The following DNAH12 variants were observed in gnomAD, a reference collection of about 807,000 sequenced individuals.
The protein encoded by DNAH12 is dynein axonemal heavy chain 12.
DNAH12 carries 285 observed loss-of-function variants against 371.5 expected under a neutral mutation model. The observed-to-expected ratio is 0.77, with a 90% CI of 0.70 to 0.85. The LOEUF is 0.85. DNAH12 is among the 40% of genes least tolerant of loss of function. The pLI is 0.00. For missense variants in DNAH12, 3,611 were observed against 3,689.4 expected (o/e 0.98, Z 0.55); for synonymous variants, 1,200 against 1,213.0 (o/e 0.99, Z 0.22).
chr3:57,344,092 C>T (rs373905511), intron 60 of DNAH12, among the ~76,000 whole-genome samples: 3 of 152,254 alleles, frequency 2.0e-5, no homozygotes, highest in Admixed American at 6.5e-5. Flanking sequence ...TGCTGAGTAC[C>T]GGTCCCCTGG....
chr3:57,465,567 T>A (rs1003794233), intron 17 of DNAH12, among the ~76,000 whole-genome samples: 1 of 151,890 alleles, frequency 6.6e-6, no homozygotes. Flanking sequence ...TATTTTGACA[T>A]GGGGAAGGCA....
At chr3:57,338,535 C>T (rs868966816) in intron 60 of DNAH12, among the ~76,000 whole-genome samples, 62 of 147,522 alleles carry the variant, frequency 4.2e-4, no homozygotes, top group African/African-American at 1.4e-3. Flanking sequence ...AGGTGAGGAG[C>T]GTCTCTGCCC....
chr3:57,341,131 C>T (rs555606440), intron 60 of DNAH12, among the ~76,000 whole-genome samples: 24 of 151,214 alleles, frequency 1.6e-4, no homozygotes, highest in Middle Eastern at 3.4e-3. Flanking sequence ...AGTACCTCAA[C>T]ACAATAAAGG....
intron 70 of DNAH12, chr3:57,297,359 ATTT>A (rs35527517): frequency 1.9e-5 from 3 of 157,942 alleles, no homozygotes; most frequent in South Asian, 1.6e-4. Flanking sequence ...CCTTAACCCT[ATTT>A]TTTTTTTTTT....
At chr3:57,303,332 G>A (rs1458854924) in intron 69 of DNAH12, among the ~76,000 whole-genome samples, 8 of 103,162 alleles carry the variant, frequency 7.8e-5, no homozygotes, top group Admixed American at 2.5e-4. Context: ...GAGCAAAGAC[G>A]CCAGCTCAAA....
chr3:57,448,190 A>G (rs2065591796), intron 25 of DNAH12, among the ~76,000 whole-genome samples: 1 of 152,182 alleles, frequency 6.6e-6, no homozygotes, highest in Non-Finnish European at 1.5e-5. Flanking sequence ...TGAGTCTTAC[A>G]GCTCTTAAGG....
Position 57,368,231 on chromosome 3 carries a change from G to A in DNAH12, c.8789C>T (p.Ala2930Val), listed in dbSNP as rs2153334235. 1 of 152,070 alleles carries A rather than the reference G, an allele frequency of 6.6e-6. No individual in the cohort carries two copies. The highest frequency in any genetic ancestry group is 1.9e-4 in the East Asian group (1 of 5,192). The allele number at this position is 152,070 out of a possible 1,614,324, so 9.4% of individuals were successfully genotyped here. The change falls in exon 56 of 74, where the codon GCC becomes GTC. Residue 2930 changes from alanine to valine, a missense_variant. Around this residue, in one of 3 missense-constraint regions of DNAH12, gnomAD observed 2,266 missense variants for 2,236.9 expected, o/e 1.01. Transcript: ENST00000495027. ...WPLMIDPQGQ[A>V]NKWIKNSEKE... ...TTCAGAGTTTTTGATCCACTTATTG[G>A]CTTGACCCTGGGGGTCAATCATTAA...
intron 45 of DNAH12, among the ~76,000 whole-genome samples, chr3:57,391,403 G>A (rs1358605485): frequency 5.3e-5 from 8 of 152,044 alleles, no homozygotes; most frequent in Admixed American, 2.0e-4. Context: ...TGAGCCTGCC[G>A]GCCTTCAGAC....
At chr3:57,479,976 C>G (rs1409057303) in intron 13 of DNAH12, among the ~76,000 whole-genome samples, 1 of 151,932 alleles carries the variant, frequency 6.6e-6, no homozygotes, top group African/African-American at 2.4e-5. Context: ...CAGGAAAGGT[C>G]CAAAATTGAC....
chr3:57,326,683 T>C (rs139592727), intron 62 of DNAH12, among the ~76,000 whole-genome samples: 90 of 152,282 alleles, frequency 5.9e-4, no homozygotes, highest in African/African-American at 1.9e-3. Flanking sequence ...AACATCATAA[T>C]GACAGGTTCA....
At chr3:57,389,598 G>C (rs1041907523) in intron 45 of DNAH12, among the ~76,000 whole-genome samples, 21 of 151,820 alleles carry the variant, frequency 1.4e-4, no homozygotes, top group African/African-American at 4.6e-4. Context: ...CAAGCAACAA[G>C]ATTGAGAGAC....
intron 66 of DNAH12, among the ~76,000 whole-genome samples, chr3:57,312,668 T>C (rs1039322083): frequency 4.6e-5 from 7 of 152,212 alleles, no homozygotes; most frequent in Non-Finnish European, 1.0e-4. Context: ...AGAAGATGAT[T>C]GATTATATGC....
intron 10 of DNAH12, 90 bp downstream of exon 10, chr3:57,502,233 A>C: frequency 6.6e-7 from 1 of 1,526,438 alleles, no homozygotes; most frequent in Non-Finnish European, 9.0e-7. Context: ...CTGTTCTTTC[A>C]TGGCAGCCCC....
intron 69 of DNAH12, among the ~76,000 whole-genome samples, chr3:57,305,366 G>C (rs989266551): frequency 6.6e-6 from 1 of 151,646 alleles, no homozygotes; most frequent in Non-Finnish European, 1.5e-5. Flanking sequence ...TCGCCAGGCC[G>C]AGCTAGGTCC....
intron 12 of DNAH12, among the ~76,000 whole-genome samples, chr3:57,485,120 T>C (rs2066879806): frequency 1.3e-5 from 2 of 152,162 alleles, no homozygotes. Flanking sequence ...GAAAACAGTA[T>C]TGAGGTTCCT....
intron 55 of DNAH12, among the ~76,000 whole-genome samples, chr3:57,372,321 C>T (rs2063192365): frequency 6.6e-6 from 1 of 151,952 alleles, no homozygotes; most frequent in Non-Finnish European, 1.5e-5. Flanking sequence ...GCTGAATTCA[C>T]TGCCAGTAGA....
At chr3:57,296,493 G>A (rs892758578) in intron 71 of DNAH12, 58 bp from the exon 72 acceptor site, 7 of 1,281,074 alleles carry the variant, frequency 5.5e-6, no homozygotes, top group Non-Finnish European at 7.7e-6. Flanking sequence ...ATCTCATAAA[G>A]AACACATTAG....
Position 57,375,085 on chromosome 3 carries a change from A to G in DNAH12, c.8759+286T>C, listed in dbSNP as rs891939322. On this transcript the variant is annotated intron_variant, in intron 55 of 73. Coordinates refer to ENST00000495027, the MANE Select transcript of DNAH12 (RefSeq NM_001366028.2). ...ATTTTACCTCAAAAGAATAAAACAT[A>G]AGCAAATATTGAACTTTAGTTGATG... Among the ~76,000 whole-genome samples, 461 of 152,300 alleles carry G rather than the reference A, an allele frequency of 3.0e-3. 1 individual carries two copies. Among genetic ancestry groups the G allele is most frequent in the Non-Finnish European group, 5.4e-3 (366 of 68,000 alleles).
chr3:57,326,996 A>T (rs2061964380), intron 62 of DNAH12, among the ~76,000 whole-genome samples: 1 of 152,202 alleles, frequency 6.6e-6, no homozygotes, highest in Non-Finnish European at 1.5e-5. Context: ...GATCAATTCA[A>T]CAAGAAGAGC....
Sources: gnomAD v4.1 joint callset for allele counts (sites outside exome capture counted in the v4.1 genomes callset) on GRCh38, gnomAD v4.1.1 for gene constraint, gnomAD v4.1.1 regional missense constraint, MANE v1.5 for transcripts, NCBI Gene and HGNC (gene_info 2026-07-23, HGNC 2026-07-21) for gene names.